Variants in METTL15 observed in about 807,000 individuals in gnomAD.
METTL15 encodes the protein 12S rRNA N(4)-cytidine methyltransferase METTL15.
METTL15 carries 34 observed loss-of-function variants against 38.3 expected under a neutral mutation model. The observed-to-expected ratio is 0.89, with a 90% CI of 0.68 to 1.18. METTL15 has a LOEUF of 1.18. Among genes scored for constraint, METTL15 ranks in the 50% most tolerant of loss-of-function variants. The probability of loss-of-function intolerance (pLI) is 0.00; values close to 1 mark genes in which losing one functional copy is unlikely to be tolerated. For synonymous variants in METTL15, 162 were observed against 170.9 expected, an observed-to-expected ratio of 0.95 and a Z score of 0.41; for missense variants, 438 against 498.4, an observed-to-expected ratio of 0.88 and a Z score of 1.15.
chr11:28,344,184 C>T (rs1849978623), intron 3 of METTL15, among the ~76,000 whole-genome samples: 1 of 152,110 alleles, frequency 6.6e-6, no homozygotes, highest in Non-Finnish European at 1.5e-5. Context: ...TCTCAAAATG[C>T]TCTCTGTAGG....
chr11:28,345,668 C>CT (rs1175944600), intron 3 of METTL15, among the ~76,000 whole-genome samples: 1 of 152,098 alleles, frequency 6.6e-6, no homozygotes, highest in South Asian at 2.1e-4. Flanking sequence ...CTTTTCATTC[C>CT]TTTTTTCTAA....
chr11:28,412,330 A>G (rs1183228174), intron 5 of METTL15, among the ~76,000 whole-genome samples: 1 of 151,930 alleles, frequency 6.6e-6, no homozygotes, highest in Non-Finnish European at 1.5e-5. Flanking sequence ...TGGTCAAAAT[A>G]TGGAAATGAA....
intron 6 of METTL15, among the ~76,000 whole-genome samples, chr11:28,300,912 C>G (rs921045432): frequency 6.6e-6 from 1 of 152,112 alleles, no homozygotes; most frequent in Non-Finnish European, 1.5e-5. Context: ...GATTCTTCAT[C>G]ACCTCTAATA....
At chr11:28,305,245 A>G (rs375414669) in intron 6 of METTL15, among the ~76,000 whole-genome samples, 1 of 152,250 alleles carries the variant, frequency 6.6e-6, no homozygotes, top group African/African-American at 2.4e-5. Flanking sequence ...AACTTTTCCT[A>G]AAAAAGTCTA....
intron 6 of METTL15, among the ~76,000 whole-genome samples, chr11:28,478,280 A>G (rs1168870936): frequency 6.6e-6 from 1 of 152,132 alleles, no homozygotes; most frequent in Non-Finnish European, 1.5e-5. Context: ...GTTTTTATGA[A>G]TTCAAGCTCT....
At chr11:28,213,336 T>C (rs1400383112) in intron 4 of METTL15, among the ~76,000 whole-genome samples, 2 of 152,028 alleles carry the variant, frequency 1.3e-5, no homozygotes, top group Non-Finnish European at 2.9e-5. Context: ...GATCAGTCTT[T>C]GAAAATAGCA....
intron 4 of METTL15, among the ~76,000 whole-genome samples, chr11:28,248,927 T>A (rs977658998): frequency 6.6e-6 from 1 of 152,066 alleles, no homozygotes; most frequent in Non-Finnish European, 1.5e-5. Context: ...TGATAATCTT[T>A]TTTTCAGACT....
At chr11:28,290,547 T>C (rs188360172) in intron 5 of METTL15, 150 bp downstream of exon 5, 1 of 676,990 alleles carries the variant, frequency 1.5e-6, no homozygotes, top group African/African-American at 1.8e-5. Context: ...TTCATACTCA[T>C]TATACACATC....
At chr11:28,378,653 T>C (rs1350773125) in intron 5 of METTL15, among the ~76,000 whole-genome samples, 1 of 152,136 alleles carries the variant, frequency 6.6e-6, no homozygotes, top group African/African-American at 2.4e-5. Context: ...ACAGGAGCTG[T>C]TCCTATTCGG....
chr11:28,130,615 T>G (rs1808932795), intron 3 of METTL15, among the ~76,000 whole-genome samples: 1 of 152,102 alleles, frequency 6.6e-6, no homozygotes, highest in Non-Finnish European at 1.5e-5. Context: ...CTGAGAGAGA[T>G]GAAGGTCACT....
intron 6 of METTL15, among the ~76,000 whole-genome samples, chr11:28,455,914 G>T (rs1167517673): frequency 1.3e-5 from 2 of 152,034 alleles, no homozygotes; most frequent in Non-Finnish European, 2.9e-5. Context: ...CACTGTGTTA[G>T]CCAGGATGGT....
intron 4 of METTL15, among the ~76,000 whole-genome samples, chr11:28,218,921 G>T (rs12294960): frequency 1.3e-5 from 2 of 152,020 alleles, no homozygotes; most frequent in African/African-American, 2.4e-5. Flanking sequence ...ACTTGATCAT[G>T]GTGGATAAGC....
intron 5 of METTL15, among the ~76,000 whole-genome samples, chr11:28,373,378 T>G (rs1486170739): frequency 6.6e-6 from 1 of 152,166 alleles, no homozygotes; most frequent in Admixed American, 6.5e-5. Context: ...CTAGTGATGG[T>G]GAGCATTTTT....
chr11:28,354,456 G>A (rs970749936), intron 4 of METTL15, among the ~76,000 whole-genome samples: 2 of 152,172 alleles, frequency 1.3e-5, no homozygotes, highest in African/African-American at 4.8e-5. Context: ...ACCTAACATT[G>A]TATGAGAGAT....
chr11:28,319,087 A>G (rs1849371415), intron 6 of METTL15, among the ~76,000 whole-genome samples: 1 of 152,170 alleles, frequency 6.6e-6, no homozygotes, highest in Admixed American at 6.5e-5. Context: ...GACAATGCAC[A>G]TCTCCCCAAG....
chr11:28,508,457 T>C (rs1305446137), intron 6 of METTL15, among the ~76,000 whole-genome samples: 2 of 152,226 alleles, frequency 1.3e-5, no homozygotes, highest in East Asian at 3.8e-4. Context: ...TAACTGTAAT[T>C]CTGTTCTTAT....
chr11:28,420,942 A>G (rs1268188195), intron 5 of METTL15, among the ~76,000 whole-genome samples: 2 of 152,074 alleles, frequency 1.3e-5, no homozygotes, highest in African/African-American at 4.8e-5. Context: ...AAAAAGATAA[A>G]CAAAATTGAC....
At chr11:28,269,315 TATAA>T (rs1855551996) in intron 4 of METTL15, among the ~76,000 whole-genome samples, 1 of 152,058 alleles carries the variant, frequency 6.6e-6, no homozygotes, top group Non-Finnish European at 1.5e-5. Flanking sequence ...ATTATATATA[TATAA>T]AAAACATGAA....
intron 3 of METTL15, among the ~76,000 whole-genome samples, chr11:28,147,760 G>T (rs888496720): frequency 6.6e-6 from 1 of 151,764 alleles, no homozygotes; most frequent in African/African-American, 2.4e-5. Flanking sequence ...GTGCCTACTA[G>T]CATATAAAAA....
Sources: allele counts gnomAD v4.1 joint callset (sites outside exome capture counted in the v4.1 genomes callset), GRCh38; gene constraint gnomAD v4.1.1; transcripts MANE v1.5; gene names NCBI Gene and HGNC (gene_info 2026-07-23, HGNC 2026-07-21).